Variants in PARD3B observed in about 807,000 individuals in gnomAD.
PARD3B encodes par-3 family cell polarity regulator beta.
Under a neutral mutation model 130.2 loss-of-function variants are expected in PARD3B, and 103 were observed. That is an observed-to-expected ratio of 0.79 (90% CI 0.67 to 0.93). The LOEUF is 0.93. Ranked by LOEUF, PARD3B falls within the 40% of genes least tolerant of loss-of-function variation. The pLI, the probability that PARD3B is intolerant of heterozygous loss-of-function variation, is 0.00. For missense variants in PARD3B, 1,609 were observed against 1,499.2 expected (o/e 1.07, Z -1.21); for synonymous variants, 583 against 553.2 (o/e 1.05, Z -0.76).
At chr2:204,917,917 A>G (rs946395450) in intron 2 of PARD3B, among the ~76,000 whole-genome samples, 2 of 152,166 alleles carry the variant, frequency 1.3e-5, no homozygotes, top group Non-Finnish European at 2.9e-5. Context: ...TTTTAATCTG[A>G]TTAAATATTA....
chr2:204,812,663 G>T (rs901603881), intron 2 of PARD3B, among the ~76,000 whole-genome samples: 2 of 152,140 alleles, frequency 1.3e-5, no homozygotes, highest in Admixed American at 1.3e-4. Flanking sequence ...TGCCTTACCA[G>T]TTGAATGTTC....
At position 205,397,982 on chromosome 2, in the gene PARD3B, G is replaced by T. The variant is rs982781406; in HGVS notation, c.2631-3031G>T. On this transcript the variant is annotated intron_variant, in intron 18 of 22. Coordinates refer to ENST00000406610, the MANE Select transcript of PARD3B (RefSeq NM_001302769.2). The surrounding 1 kb of genome is among the most constrained non-coding windows in gnomAD (Gnocchi z 4.8). Reference sequence around the variant, plus strand: ...TTAAGGAGAAGTCTTGAATGTATCAGGCAAATCTGAATTATATTTGAAAGT... The same window carrying T: ...TTAAGGAGAAGTCTTGAATGTATCATGCAAATCTGAATTATATTTGAAAGT... Among the ~76,000 whole-genome samples, 4 of 152,106 alleles carry T rather than the reference G, an allele frequency of 2.6e-5. 1 individual carries two copies. The highest frequency in any genetic ancestry group is 9.7e-5 in the African/African-American group (4 of 41,414).
At position 205,421,210 on chromosome 2, in the gene PARD3B, G is replaced by A. The variant is rs1414954525; in HGVS notation, c.2742-19160G>A. Among the ~76,000 whole-genome samples the A allele has an allele frequency of 6.6e-6, 1 of 152,094 alleles. No homozygotes were observed. Among genetic ancestry groups the A allele is most frequent in the Non-Finnish European group, 1.5e-5 (1 of 68,002 alleles). ...TGGGAGATGATAAGACGATATCTTT[G>A]TTTAGGAAAGAAAGGCCTAACATCA... On this transcript the variant is annotated intron_variant, in intron 19 of 22. Transcript: ENST00000406610. This position sits in a 1 kb window ranked among gnomAD's most constrained non-coding sequence, Gnocchi z 5.1.
intron 2 of PARD3B, among the ~76,000 whole-genome samples, chr2:204,766,844 C>A (rs9653327): frequency 0.8 from 120,387 of 150,196 alleles, 48,314 homozygotes; most frequent in Middle Eastern, 0.89. Context: ...AGAGATTATA[C>A]TGAGGAATTG....
chr2:204,870,123 GTCTC>G (rs1415648023), intron 2 of PARD3B, among the ~76,000 whole-genome samples: 2 of 152,020 alleles, frequency 1.3e-5, no homozygotes, highest in African/African-American at 2.4e-5. Context: ...CCATTTCTCT[GTCTC>G]TCTCTTTCTT....
intron 1 of PARD3B, among the ~76,000 whole-genome samples, chr2:204,643,142 G>A (rs573902856): frequency 2.4e-5 from 1 of 41,526 alleles, no homozygotes; most frequent in African/African-American, 5.9e-5. Flanking sequence ...AAAAATGTTT[G>A]GCACCTCCCA....
intron 16 of PARD3B, among the ~76,000 whole-genome samples, chr2:205,249,277 G>A (rs2039732699): frequency 6.6e-6 from 1 of 150,720 alleles, no homozygotes; most frequent in African/African-American, 2.4e-5. Flanking sequence ...AAGACCAACA[G>A]GAAGTTAAAC....
intron 2 of PARD3B, among the ~76,000 whole-genome samples, chr2:204,883,450 T>TAC (rs1412467837): frequency 8.9e-6 from 1 of 112,086 alleles, no homozygotes; most frequent in African/African-American, 4.6e-5. Flanking sequence ...TATATATATA[T>TAC]ATATATTTTT....
At chr2:204,706,433 T>A (rs1032827356) in intron 2 of PARD3B, among the ~76,000 whole-genome samples, 77 of 146,300 alleles carry the variant, frequency 5.3e-4, no homozygotes, top group African/African-American at 1.8e-3. Context: ...GAGAAGAAAA[T>A]AAGGGACAGT....
chr2:205,281,914 G>A lies in PARD3B; in HGVS notation c.2186-18616G>A, dbSNP rs1427545980. Among the ~76,000 whole-genome samples the A allele has an allele frequency of 6.6e-6, 1 of 152,218 alleles. No homozygotes were observed. Among genetic ancestry groups the A allele is most frequent in the African/African-American group, 2.4e-5 (1 of 41,452 alleles). On this transcript the variant is annotated intron_variant, in intron 16 of 22. Transcript: ENST00000406610. This position sits in a 1 kb window ranked among gnomAD's most constrained non-coding sequence, Gnocchi z 4.2. ...ACAAAAAGAAACTAATTCTACTTGTGTGTCTTCCTGGTTTTAACTTACACA... is the reference window on the plus strand; with the variant it reads ...ACAAAAAGAAACTAATTCTACTTGTATGTCTTCCTGGTTTTAACTTACACA...
rs1559047989 is a variant in PARD3B at position 204,673,460 on chromosome 2, CT to C, written c.121-12720del. Among the ~76,000 whole-genome samples the C allele has an allele frequency of 6.6e-6, 1 of 152,178 alleles. No homozygotes were observed. Among genetic ancestry groups the C allele is most frequent in the East Asian group, 1.9e-4 (1 of 5,192 alleles). ...TGCATCTCCACCAAGTTTATTCAACCTGACAAGCGAACTAGTTTTCCCACTC... is the reference window on the plus strand; with the variant it reads ...TGCATCTCCACCAAGTTTATTCAACCGACAAGCGAACTAGTTTTCCCACTC... On this transcript the variant is annotated intron_variant, in intron 1 of 22. Coordinates refer to ENST00000406610, the MANE Select transcript of PARD3B (RefSeq NM_001302769.2). This position sits in a 1 kb window ranked among gnomAD's most constrained non-coding sequence, Gnocchi z 4.7.
At chr2:205,420,352 G>A (rs1003677553) in intron 19 of PARD3B, among the ~76,000 whole-genome samples, 2 of 152,174 alleles carry the variant, frequency 1.3e-5, no homozygotes, top group African/African-American at 4.8e-5. Context: ...AGGTCATTTA[G>A]CCTTTTTCCT....
At chr2:205,500,187 C>T (rs1431758260) in intron 21 of PARD3B, among the ~76,000 whole-genome samples, 156 bp downstream of exon 21, 1 of 152,150 alleles carries the variant, frequency 6.6e-6, no homozygotes, top group Non-Finnish European at 1.5e-5. Context: ...GGCATATTCT[C>T]CCACAGAAGC....
chr2:204,872,874 C>T (rs1230230386), intron 2 of PARD3B, among the ~76,000 whole-genome samples: 1 of 152,146 alleles, frequency 6.6e-6, no homozygotes, highest in Non-Finnish European at 1.5e-5. Context: ...TCCTTTTAAA[C>T]TTTAATGTCC....
intron 18 of PARD3B, among the ~76,000 whole-genome samples, chr2:205,362,604 A>G (rs528884565): frequency 6.6e-6 from 1 of 152,332 alleles, no homozygotes; most frequent in African/African-American, 2.4e-5. Context: ...CAGACATAAC[A>G]AGGGCCTATA....
intron 4 of PARD3B, among the ~76,000 whole-genome samples, chr2:205,066,796 G>T (rs902111715): frequency 3.3e-5 from 5 of 151,930 alleles, no homozygotes; most frequent in Admixed American, 6.6e-5. Flanking sequence ...AATAACTGAT[G>T]ACTTAAATCA....
chr2:205,170,087 C>T (rs896646710), intron 11 of PARD3B, among the ~76,000 whole-genome samples: 12 of 151,960 alleles, frequency 7.9e-5, no homozygotes, highest in African/African-American at 9.7e-5. Flanking sequence ...TGCACCACCG[C>T]GCCCAGCTAA....
At chr2:205,200,590 A>G (rs1219793012) in intron 15 of PARD3B, among the ~76,000 whole-genome samples, 1 of 152,232 alleles carries the variant, frequency 6.6e-6, no homozygotes, top group East Asian at 1.9e-4. Context: ...CATTCATTCA[A>G]CAAGGATTTA....
intron 4 of PARD3B, 100 bp downstream of exon 4, chr2:205,047,790 G>C (rs999306001): frequency 1.3e-6 from 1 of 756,430 alleles, no homozygotes; most frequent in African/African-American, 1.8e-5. Context: ...TAACTAGATA[G>C]AGATCTTTTG....
Sources: allele counts gnomAD v4.1 joint callset (sites outside exome capture counted in the v4.1 genomes callset), GRCh38; gene constraint gnomAD v4.1.1; non-coding constraint Gnocchi (gnomAD v3.1); transcripts MANE v1.5; gene names NCBI Gene and HGNC (gene_info 2026-07-23, HGNC 2026-07-21).